OLFML2B: variants seen among roughly 807,000 people sequenced by gnomAD.
The protein encoded by OLFML2B is olfactomedin-like protein 2B.
In OLFML2B, 57 loss-of-function variants were observed where a neutral mutation model predicts 74.9. The observed-to-expected ratio is 0.76, with a 90% CI of 0.61 to 0.95. The LOEUF (loss-of-function observed/expected upper bound fraction) is 0.95. Ranked by LOEUF, OLFML2B falls within the 40% of genes least tolerant of loss-of-function variation. OLFML2B has a pLI of 0.00. For missense variants in OLFML2B, 986 were observed against 970.6 expected, an observed-to-expected ratio of 1.02 and a Z score of -0.21; for synonymous variants, 388 against 405.8, an observed-to-expected ratio of 0.96 and a Z score of 0.53.
chr1:162,009,561 A>C lies in OLFML2B; in HGVS notation c.547-3088T>G, dbSNP rs138358736. On this transcript the variant is annotated intron_variant, in intron 3 of 7. Transcript: ENST00000294794. ...TGTCAGTGAGGAGCCATTATTCTGC[A>C]TTTCCACAGATGAGGGTTTTAGGCA... Among the ~76,000 whole-genome samples the C allele has an allele frequency of 5.9e-5, 9 of 152,288 alleles. No individual in the cohort carries two copies. The East Asian group carries it at 1.7e-3, about 29-fold the overall frequency.
At chr1:161,989,570 T>G (rs1375824504) in intron 6 of OLFML2B, among the ~76,000 whole-genome samples, 1 of 152,206 alleles carries the variant, frequency 6.6e-6, no homozygotes, top group Admixed American at 6.5e-5. Context: ...GGGCTGGCTT[T>G]TTGGGCATAT....
Position 161,984,905 on chromosome 1 carries a change from C to T in OLFML2B, c.1550G>A (p.Trp517Ter), listed in dbSNP as rs1418374042. Residue 517 changes from tryptophan to a stop codon, truncating the protein, a stop_gained, in exon 7 of 8, where the codon TGG (tryptophan) becomes TAG (stop). Transcript: ENST00000294794. LOFTEE classifies it high-confidence loss of function. ...QNTYGRNEGAWMKDPLAKDER... is the reference protein window; with the variant it reads ...QNTYGRNEGA ...ATCCTTGGCCAGGGGGTCCTTCATC[C>T]AGGCCCCTTCATTCCGCCCATATGT... The T allele has an allele frequency of 6.2e-7, 1 of 1,611,536 alleles. No homozygotes were observed. Among genetic ancestry groups the T allele is most frequent in the Admixed American group, 1.7e-5 (1 of 59,644 alleles).
intron 6 of OLFML2B, among the ~76,000 whole-genome samples, chr1:161,988,510 C>T (rs1375934532): frequency 6.6e-6 from 1 of 152,010 alleles, no homozygotes; most frequent in African/African-American, 2.4e-5. Context: ...AGTCAAGCCT[C>T]TGTTTTTTGC....
At chr1:162,020,214 C>A (rs754829318) in intron 1 of OLFML2B, 32 bp from the exon 2 acceptor site, 1 of 1,607,262 alleles carries the variant, frequency 6.2e-7, no homozygotes, top group Admixed American at 1.7e-5. Context: ...TAGGGGCATG[C>A]AAACACAGGT....
In OLFML2B at chr1:162,023,661, GA is replaced by G. The variant is rs1690806328; in HGVS notation, c.-232del. The G allele has an allele frequency of 2.9e-6, 1 of 350,316 alleles. No homozygotes were observed. The highest frequency in any genetic ancestry group is 2.1e-5 in the African/African-American group (1 of 47,484). 21.7% of individuals were successfully genotyped at this position (350,316 alleles called of 1,614,324 possible). ...ACTGTGCAGCCCCAGTGGAGAGCCG[GA>G]CGCAAGGAAGAGGGGATGACGGAGA... On this transcript the variant is annotated 5_prime_UTR_variant, in exon 1 of 8. Transcript: ENST00000294794.
At chr1:161,990,612 T>C (rs983841153) in intron 6 of OLFML2B, among the ~76,000 whole-genome samples, 2 of 152,188 alleles carry the variant, frequency 1.3e-5, no homozygotes, top group African/African-American at 4.8e-5. Flanking sequence ...TGGTGGAGGG[T>C]CTTGCCTCGA....
intron 3 of OLFML2B, among the ~76,000 whole-genome samples, chr1:162,014,812 C>T (rs1234305133): frequency 6.6e-6 from 1 of 152,176 alleles, no homozygotes; most frequent in South Asian, 2.1e-4. Flanking sequence ...ACCTCCTTCC[C>T]GAACTCAACT....
At chr1:162,000,447 C>T in intron 4 of OLFML2B, 109 bp from the exon 5 acceptor site, 4 of 773,770 alleles carry the variant, frequency 5.2e-6, no homozygotes, top group South Asian at 1.6e-5. Flanking sequence ...GCAGCACTTC[C>T]GAAGAGCCAG....
chr1:161,998,591 G>T (rs1476504919), intron 5 of OLFML2B, among the ~76,000 whole-genome samples: 1 of 152,078 alleles, frequency 6.6e-6, no homozygotes, highest in Non-Finnish European at 1.5e-5. Flanking sequence ...GGACTCAGGG[G>T]TCACTGGCAG....
chr1:161,988,533 G>A (rs1442694578), intron 6 of OLFML2B, among the ~76,000 whole-genome samples: 1 of 151,526 alleles, frequency 6.6e-6, no homozygotes, highest in East Asian at 1.9e-4. Flanking sequence ...GGAAACTGAG[G>A]TAGCCACCCC....
intron 6 of OLFML2B, among the ~76,000 whole-genome samples, chr1:161,992,273 T>C (rs1558055122): frequency 6.6e-6 from 1 of 152,260 alleles, no homozygotes; most frequent in African/African-American, 2.4e-5. Context: ...TCAGCCATCA[T>C]AGAATTGAAG....
At chr1:162,021,990 T>A (rs1690714785) in intron 1 of OLFML2B, among the ~76,000 whole-genome samples, 1 of 152,088 alleles carries the variant, frequency 6.6e-6, no homozygotes, top group Admixed American at 6.5e-5. Context: ...AATCCCAAAG[T>A]GCAGCTGATT....
intron 1 of OLFML2B, 42 bp downstream of exon 1, chr1:162,023,215 C>A: frequency 6.9e-7 from 1 of 1,445,318 alleles, no homozygotes; most frequent in South Asian, 1.5e-5. Context: ...CTCTCACCAC[C>A]ATCCAGGGCA....
intron 6 of OLFML2B, among the ~76,000 whole-genome samples, chr1:161,994,252 A>G (rs1689823476): frequency 6.6e-6 from 1 of 152,222 alleles, no homozygotes; most frequent in African/African-American, 2.4e-5. Flanking sequence ...GTCCCAGCCC[A>G]CGTCAGCATC....
intron 4 of OLFML2B, among the ~76,000 whole-genome samples, chr1:162,003,741 C>G (rs1426727166): frequency 6.6e-6 from 1 of 152,176 alleles, no homozygotes; most frequent in Non-Finnish European, 1.5e-5. Context: ...AAGCCCTCAA[C>G]AAATTAACAC....
chr1:162,012,919 C>T (rs945762601), intron 3 of OLFML2B, among the ~76,000 whole-genome samples: 1 of 152,176 alleles, frequency 6.6e-6, no homozygotes, highest in Non-Finnish European at 1.5e-5. Context: ...GTCTTTTTCT[C>T]CACTTTAGTA....
intron 3 of OLFML2B, among the ~76,000 whole-genome samples, chr1:162,007,348 G>A (rs949056279): frequency 1.3e-5 from 2 of 152,198 alleles, no homozygotes; most frequent in Non-Finnish European, 2.9e-5. Flanking sequence ...AAGTGGAGGC[G>A]TCCCAGGTAG....
At position 161,998,990 on chromosome 1, in the gene OLFML2B, G is replaced by T. The variant is rs192303123; in HGVS notation, c.950-641C>A. On this transcript the variant is annotated intron_variant, in intron 5 of 7. Transcript: ENST00000294794. Reference sequence around the variant, plus strand: ...ATAACCACAGAGAAAAGGCCCTGAGGCAGGACATGCGTGCAGCGGCCCAGG... The same window carrying T: ...ATAACCACAGAGAAAAGGCCCTGAGTCAGGACATGCGTGCAGCGGCCCAGG... Among the ~76,000 whole-genome samples, 738 of 152,342 alleles carry T rather than the reference G, an allele frequency of 4.8e-3. 3 individuals are homozygous for T. Among genetic ancestry groups the T allele is most frequent in the African/African-American group, 0.017 (699 of 41,588 alleles).
chr1:162,003,322 G>A (rs1192011890), intron 4 of OLFML2B, among the ~76,000 whole-genome samples: 1 of 152,198 alleles, frequency 6.6e-6, no homozygotes, highest in East Asian at 1.9e-4. Flanking sequence ...ACGCTGAACG[G>A]CATCTAATTA....
Sources: allele counts gnomAD v4.1 joint callset (sites outside exome capture counted in the v4.1 genomes callset), GRCh38; gene constraint gnomAD v4.1.1; transcripts MANE v1.5; gene names NCBI Gene and HGNC (gene_info 2026-07-23, HGNC 2026-07-21).